Variants in CKAP5 observed in about 807,000 individuals in gnomAD.
CKAP5 encodes cytoskeleton associated protein 5, also known as cytoskeleton-associated protein 5.
In CKAP5, 27 loss-of-function variants were observed where a neutral mutation model predicts 232.8. The ratio of observed to expected loss-of-function variants is 0.12; its 90% confidence interval spans 0.09 to 0.16. The LOEUF is 0.16. CKAP5 is among the 10% of genes least tolerant of loss of function. The pLI is 1.00. For synonymous variants in CKAP5, 785 were observed against 841.1 expected (o/e 0.93, Z 1.16); for missense variants, 1,838 against 2,424.7 (o/e 0.76, Z 5.08).
At chr11:46,785,668 T>G (rs1249835538) in intron 16 of CKAP5, among the ~76,000 whole-genome samples, 2 of 151,672 alleles carry the variant, frequency 1.3e-5, no homozygotes, top group Non-Finnish European at 2.9e-5. Context: ...AAAATGCAAT[T>G]ATCGCCTGGC....
At chr11:46,845,548 T>C (rs1940166279) in intron 1 of CKAP5, among the ~76,000 whole-genome samples, 1 of 152,170 alleles carries the variant, frequency 6.6e-6, no homozygotes, top group Admixed American at 6.5e-5. Context: ...AAGAATCTAG[T>C]TCACCGAGCC....
chr11:46,812,619 C>A (rs562815141), intron 4 of CKAP5, among the ~76,000 whole-genome samples: 1 of 151,952 alleles, frequency 6.6e-6, no homozygotes, highest in South Asian at 2.1e-4. Flanking sequence ...TGTACTCCAA[C>A]GATTTTTTTT....
intron 36 of CKAP5, 151 bp from the exon 37 acceptor site, chr11:46,753,648 G>T: frequency 1.8e-6 from 1 of 564,854 alleles, no homozygotes; most frequent in Non-Finnish European, 3.0e-6. Flanking sequence ...TGCCAGTGGC[G>T]TGATCTTGGC....
At chr11:46,829,838 ATGTG>A (rs57602333) in intron 1 of CKAP5, among the ~76,000 whole-genome samples, 5,777 of 143,030 alleles carry the variant, frequency 0.04, 265 homozygotes, top group African/African-American at 0.12. Flanking sequence ...CCTTTTTTGT[ATGTG>A]TGTGTGTGTG....
chr11:46,816,130 A>G, intron 4 of CKAP5, 68 bp downstream of exon 4: 3 of 1,290,948 alleles, frequency 2.3e-6, no homozygotes, highest in Non-Finnish European at 3.3e-6. Context: ...CTTCCATGAA[A>G]CTGGTCCCTG....
chr11:46,818,221 C>G (rs1939448748), intron 3 of CKAP5, 89 bp downstream of exon 3: 1 of 1,000,632 alleles, frequency 1.0e-6, no homozygotes, highest in Non-Finnish European at 1.4e-6. Flanking sequence ...TCTAAAACTG[C>G]TAATAACTAA....
At chr11:46,810,122 C>A (rs1939242696) in intron 5 of CKAP5, among the ~76,000 whole-genome samples, 1 of 152,048 alleles carries the variant, frequency 6.6e-6, no homozygotes, top group African/African-American at 2.4e-5. Context: ...CAGGTGTGCA[C>A]TACCACATCC....
intron 36 of CKAP5, among the ~76,000 whole-genome samples, chr11:46,753,724 C>A (rs1386269030): frequency 1.3e-5 from 2 of 150,694 alleles, no homozygotes; most frequent in African/African-American, 4.9e-5. Context: ...GTAGCTGGGA[C>A]TACAGGCACC....
rs560325399 is a variant in CKAP5 at position 46,792,857 on chromosome 11, G to A, written c.1651-2274C>T. Among the ~76,000 whole-genome samples, 396 of 152,256 alleles carry A rather than the reference G, an allele frequency of 2.6e-3. 3 individuals are homozygous for A. The highest frequency in any genetic ancestry group is 9.3e-3 in the African/African-American group (388 of 41,542). On this transcript the variant is annotated intron_variant, in intron 13 of 43. Coordinates refer to ENST00000529230, the MANE Select transcript of CKAP5 (RefSeq NM_001008938.4). ...TTTTGGGTCCAGGTAATTGTCCAGA[G>A]AAACAGGAACTAGTGAGAAAGGAGA... is the stretch of plus-strand genomic sequence containing the variant.
intron 24 of CKAP5, among the ~76,000 whole-genome samples, chr11:46,772,278 G>GT (rs879548413): frequency 1.2e-3 from 187 of 151,272 alleles, no homozygotes; most frequent in African/African-American, 4.3e-3. Context: ...TTTTCATGTG[G>GT]TTTTTTTTGC....
At position 46,809,781 on chromosome 11, in the gene CKAP5, A is replaced by G. The variant is rs1471092127; in HGVS notation, c.724T>C (p.Leu242=). The change falls in exon 6 of 44, where the codon TTG becomes CTG. Residue 242 remains leucine (L), a synonymous_variant. Transcript: ENST00000529230. ...CCACCAGCAGACTGTTGTTGTTCCA[A>G]TTTAGCTTCTAGTTCTTGTTGGGAA... The part of the protein sequence containing the change: ...LRSQQELEAK[L]EQQQSAGGDA... 6.2e-7 allele frequency: 1 copy of G among 1,614,066 alleles called. No homozygotes were observed. Among genetic ancestry groups the G allele is most frequent in the Middle Eastern group, 1.6e-4 (1 of 6,062 alleles).
chr11:46,760,667 A>G lies in CKAP5; in HGVS notation c.4339T>C (p.Ser1447Pro), dbSNP rs560652146. Residue 1447 changes from serine (S) to proline (P), a missense_variant, in exon 33 of 44, where the codon TCC becomes CCC. By Grantham distance (74) the Ser-to-Pro change is moderately conservative. Around this residue, in one of 6 missense-constraint regions of CKAP5, gnomAD observed 579 missense variants for 843.2 expected, o/e 0.69. Coordinates refer to ENST00000529230, the MANE Select transcript of CKAP5 (RefSeq NM_001008938.4). ...EKPQRAQNIS[S>P]NANMLRKGPA... is the part of the protein sequence containing the mutation. ...CCCTTGCGTAACATGTTGGCATTGGAGCTTATGTTCTGTGCACGCTGAGGT... is the reference window on the plus strand; with the variant it reads ...CCCTTGCGTAACATGTTGGCATTGGGGCTTATGTTCTGTGCACGCTGAGGT... 2.5e-6 allele frequency: 4 copies of G among 1,614,090 alleles called. No homozygotes were observed. The South Asian group carries it at 3.3e-5, about 13-fold the overall frequency.
chr11:46,746,775 T>C (rs1033261544), intron 42 of CKAP5, among the ~76,000 whole-genome samples: 3 of 152,340 alleles, frequency 2.0e-5, no homozygotes, highest in Non-Finnish European at 2.9e-5. Flanking sequence ...ACTAAACTTA[T>C]ACAAAAATAA....
intron 26 of CKAP5, among the ~76,000 whole-genome samples, chr11:46,768,857 T>C (rs1042032213): frequency 6.6e-5 from 10 of 152,210 alleles, no homozygotes; most frequent in African/African-American, 2.4e-4. Flanking sequence ...GAATATTGTT[T>C]TGTTTAAGCA....
chr11:46,840,875 T>TA lies in CKAP5; in HGVS notation c.-38+5344dup, dbSNP rs201939718. 3.5e-3 allele frequency among the ~76,000 whole-genome samples: 523 copies of TA among 151,134 alleles called. 4 individuals carry two copies. Among genetic ancestry groups the TA allele is most frequent in the African/African-American group, 0.011 (455 of 41,186 alleles). On this transcript the variant is annotated intron_variant, in intron 1 of 43. Transcript: ENST00000529230. ...TATAGTCAGCCTACAGAAGCACAGG[T>TA]AAAAAAAAACCTGGGGCTTCAGATT... is the stretch of plus-strand genomic sequence containing the variant.
At chr11:46,805,803 GC>G (rs1343509961) in intron 8 of CKAP5, among the ~76,000 whole-genome samples, 5 of 152,176 alleles carry the variant, frequency 3.3e-5, no homozygotes, top group Admixed American at 1.3e-4. Flanking sequence ...GGGTGTGATG[GC>G]AAGTGCCTAT....
At chr11:46,802,557 G>GACAGACAGAC (rs1366464897) in intron 8 of CKAP5, among the ~76,000 whole-genome samples, 2 of 147,448 alleles carry the variant, frequency 1.4e-5, no homozygotes, top group African/African-American at 5.0e-5. Context: ...CAGACAGACA[G>GACAGACAGAC]ACACACACAC....
In CKAP5 at chr11:46,744,214, T is replaced by C. The variant is rs1290245168; in HGVS notation, c.5908A>G (p.Thr1970Ala). Residue 1970 changes from threonine to alanine, a missense_variant, in exon 44 of 44, where the codon ACT becomes GCT. By Grantham distance (58) the Thr-to-Ala change is moderately conservative. Transcript: ENST00000529230. Reference protein sequence around the residue: ...TSLLSKPAVPTVASSTDMLHS... With the variant: ...TSLLSKPAVPAVASSTDMLHS... ...AGCATGTCTGTGGAAGAGGCGACAG[T>C]AGGAACTGCTGGTTTGGAGAGCAAA... The C allele has an allele frequency of 1.9e-5, 31 of 1,613,964 alleles. No homozygotes were observed. The highest frequency in any genetic ancestry group is 2.6e-5 in the Non-Finnish European group (31 of 1,180,022).
intron 26 of CKAP5, among the ~76,000 whole-genome samples, chr11:46,769,687 T>A (rs1011594906): frequency 6.6e-6 from 1 of 151,040 alleles, no homozygotes; most frequent in Non-Finnish European, 1.5e-5. Flanking sequence ...CAGAGCAAGA[T>A]GCCATCTCTA....
Sources: gnomAD v4.1 joint callset for allele counts (sites outside exome capture counted in the v4.1 genomes callset) on GRCh38, gnomAD v4.1.1 for gene constraint, gnomAD v4.1.1 regional missense constraint, MANE v1.5 for transcripts, NCBI Gene and HGNC (gene_info 2026-07-23, HGNC 2026-07-21) for gene names.